Variants in SLC22A23 observed in about 807,000 individuals in gnomAD.
SLC22A23 encodes solute carrier family 22 member 23.
A neutral mutation model predicts 61.0 loss-of-function variants in SLC22A23; 26 were observed. That is an observed-to-expected ratio of 0.43 (90% CI 0.31 to 0.59). SLC22A23 has a LOEUF of 0.59. Among genes scored for constraint, SLC22A23 ranks in the 20% least tolerant of loss-of-function variants. SLC22A23 has a pLI of 0.11. For synonymous variants in SLC22A23, 430 were observed against 413.9 expected (o/e 1.04, Z -0.47); for missense variants, 796 against 934.7 (o/e 0.85, Z 1.94).
Position 3,455,980 on chromosome 6 carries a change from T to C in SLC22A23, c.580A>G (p.Asn194Asp). 2 of 1,546,456 alleles carry C rather than the reference T, an allele frequency of 1.3e-6. No individual in the cohort carries two copies. The highest frequency in any genetic ancestry group is 1.7e-6 in the Non-Finnish European group (2 of 1,145,794). ...PLPSPPDKGD[N>D]ASNCDCRAWD... ...GCGCGGCAGTCACAGTTGGAGGCGTTGTCCCCCTTGTCCGGAGGGGATGGC... is the reference window on the plus strand; with the variant it reads ...GCGCGGCAGTCACAGTTGGAGGCGTCGTCCCCCTTGTCCGGAGGGGATGGC... The change falls in exon 1 of 10, where the codon AAC (asparagine) becomes GAC (aspartate). Residue 194 changes from asparagine to aspartate, a missense_variant. Asn to Asp is a conservative substitution (Grantham distance 23, BLOSUM62 1). Transcript: ENST00000406686.
intron 7 of SLC22A23, among the ~76,000 whole-genome samples, chr6:3,285,608 A>T (rs1183470822): frequency 2.7e-5 from 2 of 73,834 alleles, no homozygotes; most frequent in African/African-American, 5.2e-5. Flanking sequence ...CAACTGTGTG[A>T]GCAGGAGACT....
chr6:3,444,812 G>A (rs1771801148), intron 1 of SLC22A23: 2 of 985,538 alleles, frequency 2.0e-6, no homozygotes, highest in Non-Finnish European at 1.2e-6. Context: ...CTGTCTGAAG[G>A]GCATACCTGG....
At chr6:3,438,239 C>A (rs1486555505) in intron 1 of SLC22A23, among the ~76,000 whole-genome samples, 2 of 152,224 alleles carry the variant, frequency 1.3e-5, no homozygotes, top group Admixed American at 1.3e-4. Context: ...GACAGTGCTG[C>A]GATCATGTAA....
intron 3 of SLC22A23, among the ~76,000 whole-genome samples, chr6:3,347,413 T>G (rs1018357280): frequency 1.0e-3 from 152 of 152,104 alleles, no homozygotes; most frequent in African/African-American, 3.6e-3. Flanking sequence ...CCCCCAACAT[T>G]GGAGCATCAT....
At chr6:3,313,549 A>C (rs1031927839) in intron 4 of SLC22A23, 13 of 152,240 alleles carry the variant, frequency 8.5e-5, no homozygotes, top group African/African-American at 3.1e-4. Context: ...CCCTCCTCTC[A>C]TGTAGGGAAC....
At chr6:3,420,146 G>A (rs1360876417) in intron 1 of SLC22A23, among the ~76,000 whole-genome samples, 1 of 151,186 alleles carries the variant, frequency 6.6e-6, no homozygotes. Context: ...TGACGCTTCT[G>A]AGCCATGACT....
chr6:3,372,756 C>T lies in SLC22A23; in HGVS notation c.913+37432G>A, dbSNP rs1490083973. ...GCGCAAGTCCTAGGACAATCTAGGC[C>T]AACATTCTCTTCCAAATTCTGACTT... On this transcript the variant is annotated intron_variant, in intron 3 of 9. Coordinates refer to ENST00000406686, the MANE Select transcript of SLC22A23 (RefSeq NM_015482.2). This position sits in a 1 kb window ranked among gnomAD's most constrained non-coding sequence, Gnocchi z 4.7. 1.3e-5 allele frequency among the ~76,000 whole-genome samples: 2 copies of T among 152,202 alleles called. No individual in the cohort carries two copies. Among genetic ancestry groups the T allele is most frequent in the East Asian group, 3.9e-4 (2 of 5,194 alleles).
intron 4 of SLC22A23, among the ~76,000 whole-genome samples, chr6:3,301,075 T>C (rs1353526820): frequency 1.3e-5 from 2 of 152,168 alleles, no homozygotes; most frequent in Non-Finnish European, 2.9e-5. Context: ...TCCAAGGAAA[T>C]AGAAACAGAT....
At chr6:3,365,188 G>A (rs866461336) in intron 3 of SLC22A23, among the ~76,000 whole-genome samples, 12 of 152,296 alleles carry the variant, frequency 7.9e-5, no homozygotes, top group Admixed American at 6.5e-4. Context: ...TGGGCATGGT[G>A]GCACGCACCT....
intron 1 of SLC22A23, among the ~76,000 whole-genome samples, chr6:3,423,522 G>A (rs949735019): frequency 4.6e-5 from 7 of 151,996 alleles, no homozygotes; most frequent in East Asian, 1.9e-4. Flanking sequence ...TTTTATTAAC[G>A]GCCCTCATCA....
chr6:3,294,182 A>T (rs1760869884), intron 5 of SLC22A23, among the ~76,000 whole-genome samples: 1 of 152,130 alleles, frequency 6.6e-6, no homozygotes, highest in African/African-American at 2.4e-5. Flanking sequence ...CTCCCTCATG[A>T]AGCTCAGATG....
At chr6:3,294,713 G>A (rs1220004268) in intron 5 of SLC22A23, among the ~76,000 whole-genome samples, 2 of 152,198 alleles carry the variant, frequency 1.3e-5, no homozygotes, top group Non-Finnish European at 2.9e-5. Flanking sequence ...CACGTTATGT[G>A]ATATGAAGGT....
At chr6:3,323,478 C>G (rs759776543) in intron 4 of SLC22A23, 10 of 411,086 alleles carry the variant, frequency 2.4e-5, no homozygotes, top group African/African-American at 8.2e-5. Flanking sequence ...CCAAATCCCC[C>G]CTCCTAACAC....
chr6:3,371,820 T>C (rs559057284), intron 3 of SLC22A23, among the ~76,000 whole-genome samples: 24 of 152,290 alleles, frequency 1.6e-4, no homozygotes, highest in Middle Eastern at 3.4e-3. Context: ...TACAGTATAT[T>C]ATCTAACCTA....
intron 1 of SLC22A23, among the ~76,000 whole-genome samples, chr6:3,429,577 G>A (rs1016778612): frequency 2.0e-5 from 3 of 152,140 alleles, no homozygotes; most frequent in Non-Finnish European, 2.9e-5. Flanking sequence ...AAAAGCAAAA[G>A]CAGGGACATA....
chr6:3,286,342 C>T lies in SLC22A23; in HGVS notation c.1546+517G>A, dbSNP rs889413077. On this transcript the variant is annotated intron_variant, in intron 7 of 9. Coordinates refer to ENST00000406686, the MANE Select transcript of SLC22A23 (RefSeq NM_015482.2). The surrounding 1 kb of genome is among the most constrained non-coding windows in gnomAD (Gnocchi z 4.2). ...GGTTTGAACTCCTGACCTCATGATC[C>T]GACCGCCTCAGCCTCCCAAAGTGCT... Among the ~76,000 whole-genome samples, 11 of 152,096 alleles carry T rather than the reference C, an allele frequency of 7.2e-5. No homozygotes were observed. In the East Asian group the frequency reaches 2.1e-3, roughly 29 times the overall value.
rs1419981608 is a variant in SLC22A23 at position 3,318,325 on chromosome 6, A to T, written c.1082+5509T>A. Among the ~76,000 whole-genome samples the T allele has an allele frequency of 6.6e-6, 1 of 152,058 alleles. No homozygotes were observed. Among genetic ancestry groups the T allele is most frequent in the Non-Finnish European group, 1.5e-5 (1 of 67,992 alleles). On this transcript the variant is annotated intron_variant, in intron 4 of 9. Coordinates refer to ENST00000406686, the MANE Select transcript of SLC22A23 (RefSeq NM_015482.2). The surrounding 1 kb of genome is among the most constrained non-coding windows in gnomAD (Gnocchi z 4.3). ...GTACTTTTCACACACAAACCAACCC[A>T]TCCAGAGCCGATACCCCAACCACTT...
chr6:3,436,966 CT>C (rs1771255962), intron 1 of SLC22A23, among the ~76,000 whole-genome samples: 2 of 152,194 alleles, frequency 1.3e-5, no homozygotes, highest in Non-Finnish European at 2.9e-5. Flanking sequence ...TTAAAAACTT[CT>C]TTTCAGTAAG....
At chr6:3,340,746 G>A (rs114206295) in intron 3 of SLC22A23, among the ~76,000 whole-genome samples, 9 of 152,308 alleles carry the variant, frequency 5.9e-5, no homozygotes, top group South Asian at 2.1e-4. Flanking sequence ...GCCGCATGAC[G>A]TGCTAGAGAC....
Sources: allele counts gnomAD v4.1 joint callset (sites outside exome capture counted in the v4.1 genomes callset), GRCh38; gene constraint gnomAD v4.1.1; non-coding constraint Gnocchi (gnomAD v3.1); transcripts MANE v1.5; gene names NCBI Gene and HGNC (gene_info 2026-07-23, HGNC 2026-07-21).